The following CCDC175 variants were observed in gnomAD, a reference collection of about 807,000 sequenced individuals.
CCDC175 encodes the protein coiled-coil domain containing 175, also known as coiled-coil domain-containing protein 175.
Under a neutral mutation model 114.6 loss-of-function variants are expected in CCDC175, and 100 were observed. The ratio of observed to expected loss-of-function variants is 0.87; its 90% CI spans 0.74 to 1.03. The LOEUF (loss-of-function observed/expected upper bound fraction) is 1.03, where lower values mean the gene tolerates loss of function less well. Ranked by LOEUF, CCDC175 falls within the 50% of genes least tolerant of loss-of-function variation. The pLI is 0.00. For synonymous variants in CCDC175, 306 were observed against 308.7 expected, an observed-to-expected ratio of 0.99 and a Z score of 0.09; for missense variants, 880 against 917.8, an observed-to-expected ratio of 0.96 and a Z score of 0.53.
chr14:59,562,628 C>T (rs1170704123), intron 6 of CCDC175, among the ~76,000 whole-genome samples: 5 of 151,988 alleles, frequency 3.3e-5, no homozygotes, highest in African/African-American at 4.8e-5. Flanking sequence ...GGGAAGGACC[C>T]GGAGGCAAAT....
chr14:59,533,588 T>C (rs953147109), intron 13 of CCDC175, among the ~76,000 whole-genome samples: 3 of 152,140 alleles, frequency 2.0e-5, no homozygotes, highest in African/African-American at 7.2e-5. Flanking sequence ...TATGAATAAA[T>C]ACAAAGAAGC....
intron 11 of CCDC175, among the ~76,000 whole-genome samples, chr14:59,540,168 T>A (rs985127855): frequency 6.6e-6 from 1 of 152,170 alleles, no homozygotes; most frequent in African/African-American, 2.4e-5. Context: ...AAATACAGTA[T>A]TTTACATGTA....
chr14:59,558,696 A>G (rs1743129530), intron 7 of CCDC175, among the ~76,000 whole-genome samples: 1 of 152,198 alleles, frequency 6.6e-6, no homozygotes, highest in African/African-American at 2.4e-5. Flanking sequence ...TGTTATATCT[A>G]TATAAGACAG....
intron 14 of CCDC175, among the ~76,000 whole-genome samples, chr14:59,530,565 A>T (rs973703743): frequency 9.9e-5 from 15 of 152,156 alleles, no homozygotes; most frequent in African/African-American, 3.6e-4. Context: ...AAACCTACTT[A>T]AGTTGACTAA....
chr14:59,560,466 C>T (rs1005243350), intron 7 of CCDC175, among the ~76,000 whole-genome samples: 11 of 152,090 alleles, frequency 7.2e-5, no homozygotes, highest in Non-Finnish European at 1.6e-4. Context: ...TGGGGATTTT[C>T]GGGGGAGAGA....
At chr14:59,519,814 A>G (rs1950774) in intron 17 of CCDC175, among the ~76,000 whole-genome samples, 149,087 of 152,324 alleles carry the variant, frequency 0.98, 73,041 homozygotes, top group East Asian at 1. Flanking sequence ...CTGTGACTGA[A>G]GCTAGGTCAT....
intron 13 of CCDC175, among the ~76,000 whole-genome samples, chr14:59,534,180 G>GTAC (rs901992850): frequency 1.3e-5 from 2 of 152,122 alleles, no homozygotes; most frequent in Non-Finnish European, 2.9e-5. Context: ...AGACTGTGGG[G>GTAC]TACTAGGTTC....
chr14:59,564,786 A>T (rs1313062267), intron 5 of CCDC175, among the ~76,000 whole-genome samples: 1 of 152,206 alleles, frequency 6.6e-6, no homozygotes, highest in Admixed American at 6.5e-5. Flanking sequence ...GTATGGCAGC[A>T]TATAAGCAAG....
chr14:59,508,426 A>ACACACACACC (rs1317377420), intron 19 of CCDC175, among the ~76,000 whole-genome samples: 1 of 150,532 alleles, frequency 6.6e-6, no homozygotes. Flanking sequence ...ACACACACAC[A>ACACACACACC]CACACACACA....
chr14:59,530,674 C>T (rs1010728478), intron 14 of CCDC175, among the ~76,000 whole-genome samples: 7 of 152,094 alleles, frequency 4.6e-5, no homozygotes, highest in Admixed American at 4.6e-4. Context: ...TTTTAAAAAT[C>T]CACCCTCCTT....
chr14:59,522,696 C>G (rs1261336285), intron 16 of CCDC175, among the ~76,000 whole-genome samples: 1 of 152,218 alleles, frequency 6.6e-6, no homozygotes, highest in East Asian at 1.9e-4. Context: ...GAGACTCATC[C>G]ATCTCCCAGG....
Position 59,538,291 on chromosome 14 carries a change from G to A in CCDC175, c.1492-137C>T, listed in dbSNP as rs548828551. 6 of 701,518 alleles carry A rather than the reference G, an allele frequency of 8.6e-6. No homozygotes were observed. The East Asian group carries it at 9.2e-5, about 11-fold the overall frequency. The allele number at this position is 701,518 out of a possible 1,614,324, so 43.5% of individuals were successfully genotyped here. On this transcript the variant is annotated intron_variant, in intron 12 of 19. Coordinates refer to ENST00000537690, the MANE Select transcript of CCDC175 (RefSeq NM_001164399.2). ...TTCATATAATTTCTCAGCAACCACT[G>A]AGAGGAATATTTTTTTCCTCCAGAA...
chr14:59,564,395 C>G (rs377095002), intron 5 of CCDC175: 1 of 153,146 alleles, frequency 6.5e-6, no homozygotes, highest in African/African-American at 2.4e-5. Flanking sequence ...CCCTAATGAA[C>G]GATGTCACCC....
At chr14:59,548,497 G>T (rs1052013856) in intron 8 of CCDC175, among the ~76,000 whole-genome samples, 7 of 152,120 alleles carry the variant, frequency 4.6e-5, no homozygotes, top group Non-Finnish European at 5.9e-5. Context: ...TTGGCTAAGG[G>T]CTATGGATTA....
intron 7 of CCDC175, among the ~76,000 whole-genome samples, chr14:59,556,802 A>G (rs566884665): frequency 6.8e-4 from 103 of 152,358 alleles, no homozygotes; most frequent in South Asian, 2.3e-3. Flanking sequence ...AAAAGTGGGC[A>G]AAGTATATGA....
rs1398873686 is a variant in CCDC175, at chr14:59,565,061, C to T, written c.706G>A (p.Glu236Lys). Residue 236 changes from glutamate (E) to lysine (K), a missense_variant, in exon 5 of 20, where the codon GAG (glutamate) becomes AAG (lysine). Glu to Lys is a moderately conservative substitution (Grantham distance 56). Transcript: ENST00000537690. ...ATGCCACTTACCTGTGCAGTCAACT[C>T]TTGTTTTCTTATTAGATATTCTGCC... The part of the protein sequence containing the change: ...ERAEYLIRKQ[E>K]LTAQINEFEN... 6.5e-6 allele frequency: 10 copies of T among 1,533,740 alleles called. No individual in the cohort carries two copies. In the East Asian group the frequency reaches 2.0e-4, roughly 30 times the overall value.
intron 10 of CCDC175, among the ~76,000 whole-genome samples, chr14:59,541,270 C>T (rs1894767703): frequency 6.6e-6 from 1 of 152,142 alleles, no homozygotes; most frequent in Non-Finnish European, 1.5e-5. Flanking sequence ...ATATACAATT[C>T]AGAAAGCCAA....
chr14:59,536,432 G>C (rs1014290420), intron 13 of CCDC175, among the ~76,000 whole-genome samples: 2 of 151,748 alleles, frequency 1.3e-5, no homozygotes, highest in Admixed American at 6.6e-5. Context: ...TATACTACTT[G>C]TTCATCTCAT....
At chr14:59,561,283 C>T (rs1896215128) in intron 6 of CCDC175, 55 bp from the exon 7 acceptor site, 1 of 912,724 alleles carries the variant, frequency 1.1e-6, no homozygotes, top group Non-Finnish European at 1.7e-6. Context: ...TGATTCATAA[C>T]AGCAGTTCAA....
Sources: gnomAD v4.1 joint callset for allele counts (sites outside exome capture counted in the v4.1 genomes callset) on GRCh38, gnomAD v4.1.1 for gene constraint, MANE v1.5 for transcripts, NCBI Gene and HGNC (gene_info 2026-07-23, HGNC 2026-07-21) for gene names.